STUM: variants seen among roughly 807,000 people sequenced by gnomAD.
The protein encoded by STUM is stum, mechanosensory transduction mediator homolog, also known as protein stum homolog.
A neutral mutation model predicts 15.3 loss-of-function variants in STUM; 8 were observed. The observed-to-expected ratio is 0.52, with a 90% CI of 0.31 to 0.94. The LOEUF (loss-of-function observed/expected upper bound fraction) is 0.94. Ranked by LOEUF, STUM falls within the 40% of genes least tolerant of loss-of-function variation. The pLI is 0.05. For synonymous variants in STUM, 78 were observed against 88.7 expected, an observed-to-expected ratio of 0.88 and a Z score of 0.68; for missense variants, 142 against 204.9, an observed-to-expected ratio of 0.69 and a Z score of 1.87.
intron 1 of STUM, among the ~76,000 whole-genome samples, chr1:226,581,946 T>C (rs1667925094): frequency 6.6e-6 from 1 of 152,228 alleles, no homozygotes; most frequent in Non-Finnish European, 1.5e-5. Context: ...TTATCTGAGA[T>C]TTGACTAAAA....
Position 226,599,204 on chromosome 1 carries a change from C to G in STUM, c.383-1462C>G, listed in dbSNP as rs143383851. 1.3e-4 allele frequency among the ~76,000 whole-genome samples: 20 copies of G among 152,268 alleles called. No homozygotes were observed. In the East Asian group the frequency reaches 3.9e-3, roughly 29 times the overall value. On this transcript the variant is annotated intron_variant, in intron 2 of 3. Coordinates refer to ENST00000366788, the MANE Select transcript of STUM (RefSeq NM_001003665.4). ...GATGAGATTTGGGTGGGGACACAGC[C>G]AAACCATATCAGGGGGATAGACTTG...
At chr1:226,592,416 G>A (rs1258447930) in intron 1 of STUM, among the ~76,000 whole-genome samples, 3 of 152,130 alleles carry the variant, frequency 2.0e-5, no homozygotes, top group African/African-American at 7.2e-5. Flanking sequence ...TTCTAAACTA[G>A]ACAGATTGAC....
In STUM at chr1:226,603,259, G is replaced by C. The variant is rs1259521264; in HGVS notation, c.*1219G>C. ...ACTCCTTCAGTTGCCAAAAGACCAT[G>C]GGCCTCTTTAAGGAGCCCCTCTGTA... On this transcript the variant is annotated 3_prime_UTR_variant, in exon 4 of 4. Coordinates refer to ENST00000366788, the MANE Select transcript of STUM (RefSeq NM_001003665.4). 1 of 152,182 alleles carries C rather than the reference G, an allele frequency of 6.6e-6. No homozygotes were observed. Among genetic ancestry groups the C allele is most frequent in the Non-Finnish European group, 1.5e-5 (1 of 68,042 alleles). The allele number at this position is 152,182 out of a possible 1,614,324, so 9.4% of individuals were successfully genotyped here. A position where few individuals can be genotyped will look rare whatever the true frequency, so the allele number is the denominator to read the frequency against.
At chr1:226,595,334 C>T (rs565886987) in intron 1 of STUM, among the ~76,000 whole-genome samples, 2 of 152,280 alleles carry the variant, frequency 1.3e-5, no homozygotes, top group South Asian at 4.1e-4. Flanking sequence ...CGCCCACCTA[C>T]ACTGAGAGCG....
chr1:226,578,610 A>C (rs545650384), intron 1 of STUM, among the ~76,000 whole-genome samples: 3 of 151,736 alleles, frequency 2.0e-5, no homozygotes, highest in Non-Finnish European at 4.4e-5. Flanking sequence ...CACTCCTCCC[A>C]CCTTGGCCTC....
intron 1 of STUM, among the ~76,000 whole-genome samples, chr1:226,588,325 C>T (rs559887395): frequency 7.9e-5 from 12 of 152,338 alleles, no homozygotes; most frequent in African/African-American, 2.6e-4. Flanking sequence ...CCTTCCTCTC[C>T]CACCTAGTGT....
intron 1 of STUM, among the ~76,000 whole-genome samples, chr1:226,571,486 G>C (rs1263461803): frequency 6.6e-6 from 1 of 152,132 alleles, no homozygotes; most frequent in Non-Finnish European, 1.5e-5. Flanking sequence ...TTTGGTTATT[G>C]TCTGCATTTA....
intron 1 of STUM, among the ~76,000 whole-genome samples, chr1:226,571,294 T>C (rs147276964): frequency 1.3e-5 from 2 of 152,176 alleles, no homozygotes; most frequent in Non-Finnish European, 2.9e-5. Flanking sequence ...ATAGAAACAC[T>C]GTGCTTCTGT....
intron 1 of STUM, among the ~76,000 whole-genome samples, chr1:226,550,980 A>G (rs1388883484): frequency 6.6e-6 from 1 of 152,232 alleles, no homozygotes; most frequent in Non-Finnish European, 1.5e-5. Context: ...AGAAACCAGG[A>G]GAAAATAAAG....
At position 226,549,529 on chromosome 1, in the gene STUM, CG is replaced by C. The variant is rs1418140395; in HGVS notation, c.202+424del. 6.6e-6 allele frequency among the ~76,000 whole-genome samples: 1 copy of C among 152,132 alleles called. No individual in the cohort carries two copies. Among genetic ancestry groups the C allele is most frequent in the African/African-American group, 2.4e-5 (1 of 41,408 alleles). ...AGAATGAGCTCTAGGGCCTCGGCGG[CG>C]AGGATCAAACTCCCGGGCGTCGAAG... is the stretch of plus-strand genomic sequence containing the variant. On this transcript the variant is annotated intron_variant, in intron 1 of 3. Coordinates refer to ENST00000366788, the MANE Select transcript of STUM (RefSeq NM_001003665.4). This position sits in a 1 kb window ranked among gnomAD's most constrained non-coding sequence, Gnocchi z 6.8.
At chr1:226,561,975 C>A (rs942451888) in intron 1 of STUM, among the ~76,000 whole-genome samples, 2 of 127,004 alleles carry the variant, frequency 1.6e-5, no homozygotes, top group Admixed American at 1.0e-4. Flanking sequence ...CCACAGTGGG[C>A]AAATCTGTAG....
intron 1 of STUM, among the ~76,000 whole-genome samples, chr1:226,566,998 C>T (rs544545848): frequency 7.2e-5 from 11 of 152,290 alleles, no homozygotes; most frequent in Non-Finnish European, 1.2e-4. Context: ...CTGCTTCCCG[C>T]AAATGCTGCA....
intron 1 of STUM, among the ~76,000 whole-genome samples, chr1:226,556,535 G>T (rs1667448826): frequency 6.6e-6 from 1 of 152,158 alleles, no homozygotes; most frequent in Admixed American, 6.5e-5. Context: ...AGAATGACCT[G>T]GATGGTCTAA....
chr1:226,562,418 G>T (rs1378717367), intron 1 of STUM, among the ~76,000 whole-genome samples: 1 of 151,318 alleles, frequency 6.6e-6, no homozygotes, highest in Non-Finnish European at 1.5e-5. Context: ...GCAGTGAGCC[G>T]AGATTGTGCC....
chr1:226,597,349 C>T, intron 2 of STUM: 1 of 483,728 alleles, frequency 2.1e-6, no homozygotes, highest in Non-Finnish European at 4.3e-6. Context: ...ACAGACACCA[C>T]CCATTTTAAG....
Position 226,549,039 on chromosome 1 carries a change from C to A in STUM, c.135C>A (p.Ala45=). 6.3e-7 allele frequency: 1 copy of A among 1,585,856 alleles called. No homozygotes were observed. Among genetic ancestry groups the A allele is most frequent in the Non-Finnish European group, 8.6e-7 (1 of 1,168,760 alleles). ...AGAAGAAGGGCCCCCTGCGCGCCGCCATCCCCTACATGCCCTTCCCCGTGG... is the reference window on the plus strand; with the variant it reads ...AGAAGAAGGGCCCCCTGCGCGCCGCAATCCCCTACATGCCCTTCCCCGTGG... ...VREKKGPLRA[A]IPYMPFPVAV... Residue 45 remains alanine (A), a synonymous_variant, in exon 1 of 4, where the codon GCC becomes GCA. Transcript: ENST00000366788. The surrounding 1 kb of genome is among the most constrained non-coding windows in gnomAD (Gnocchi z 6.8).
chr1:226,568,956 G>GCAAGGTGACCTTGCTGTGCCCACACA (rs1667664118), intron 1 of STUM, among the ~76,000 whole-genome samples: 1 of 150,662 alleles, frequency 6.6e-6, no homozygotes, highest in South Asian at 2.1e-4. Flanking sequence ...AGGGTCCCTA[G>GCAAGGTGACCTTGCTGTGCCCACACA]CAAGGGGACC....
At chr1:226,556,501 G>A (rs557197787) in intron 1 of STUM, among the ~76,000 whole-genome samples, 343 of 152,288 alleles carry the variant, frequency 2.3e-3, no homozygotes, top group African/African-American at 7.8e-3. Flanking sequence ...CTTGGCCATC[G>A]GGGAGATGAG....
At chr1:226,553,630 C>T (rs1157803787) in intron 1 of STUM, among the ~76,000 whole-genome samples, 1 of 152,172 alleles carries the variant, frequency 6.6e-6, no homozygotes, top group Non-Finnish European at 1.5e-5. Flanking sequence ...AAGGGATAGC[C>T]TAAATATGAA....
Sources: gnomAD v4.1 joint callset for allele counts (sites outside exome capture counted in the v4.1 genomes callset) on GRCh38, gnomAD v4.1.1 for gene constraint, Gnocchi (gnomAD v3.1) non-coding constraint, MANE v1.5 for transcripts, NCBI Gene and HGNC (gene_info 2026-07-23, HGNC 2026-07-21) for gene names.